Variants in PDHX observed in about 807,000 individuals in gnomAD.
PDHX encodes pyruvate dehydrogenase complex component X.
In PDHX, 33 loss-of-function variants were observed where a neutral mutation model predicts 55.3. The observed-to-expected ratio is 0.60, with a 90% CI of 0.45 to 0.80. The LOEUF (loss-of-function observed/expected upper bound fraction) is 0.80, where lower values mean the gene tolerates loss of function less well. PDHX is among the 30% of genes least tolerant of loss of function. The pLI is 0.00. For missense variants in PDHX, 622 were observed against 619.9 expected, an observed-to-expected ratio of 1.00 and a Z score of -0.04; for synonymous variants, 226 against 219.4, an observed-to-expected ratio of 1.03 and a Z score of -0.27.
At position 34,916,833 on chromosome 11, in the gene PDHX, G is replaced by T. The variant is rs1483613969; in HGVS notation, c.160+18G>T. ...GCTTCGGGGTGAGTGGCCGGGGCTC[G>T]CTCAGCTTCTCTGTGTAGCTGAGTG... On this transcript the variant is annotated intron_variant, in intron 1 of 10. Transcript: ENST00000227868. 2 of 1,552,674 alleles carry T rather than the reference G, an allele frequency of 1.3e-6. No individual in the cohort carries two copies. The highest frequency in any genetic ancestry group is 1.7e-6 in the Non-Finnish European group (2 of 1,146,908).
intron 10 of PDHX, among the ~76,000 whole-genome samples, chr11:34,993,729 T>A (rs777501317): frequency 6.6e-6 from 1 of 152,190 alleles, no homozygotes; most frequent in African/African-American, 2.4e-5. Flanking sequence ...TTCTGGCTTT[T>A]CGTATTTCCA....
chr11:34,987,542 G>A (rs950364767), intron 9 of PDHX, among the ~76,000 whole-genome samples: 2 of 151,908 alleles, frequency 1.3e-5, no homozygotes, highest in Admixed American at 1.3e-4. Context: ...CTGAGCTCCT[G>A]CAAAATTAGT....
At chr11:34,989,800 GTTTA>G (rs1855722942) in intron 9 of PDHX, among the ~76,000 whole-genome samples, 1 of 152,058 alleles carries the variant, frequency 6.6e-6, no homozygotes, top group African/African-American at 2.4e-5. Flanking sequence ...AAATTACCTT[GTTTA>G]TTTATTTGTT....
intron 1 of PDHX, among the ~76,000 whole-genome samples, chr11:34,929,644 A>T (rs1189939655): frequency 6.6e-6 from 1 of 152,240 alleles, no homozygotes; most frequent in Non-Finnish European, 1.5e-5. Flanking sequence ...CCATTAATTA[A>T]TTGATGATCC....
intron 8 of PDHX, among the ~76,000 whole-genome samples, chr11:34,983,775 G>T (rs1002454750): frequency 2.1e-4 from 32 of 152,084 alleles, no homozygotes; most frequent in African/African-American, 7.3e-4. Flanking sequence ...AAATAAAAGA[G>T]AATACAAACA....
At chr11:34,975,098 C>A (rs7109473) in intron 7 of PDHX, among the ~76,000 whole-genome samples, 7,166 of 152,096 alleles carry the variant, frequency 0.047, 536 homozygotes, top group African/African-American at 0.16. Context: ...GATACTATTT[C>A]TTTATTTTCT....
chr11:34,970,203 C>G lies in PDHX; in HGVS notation c.881C>G (p.Ser294Cys), dbSNP rs111270862. 1.2e-6 allele frequency: 2 copies of G among 1,612,332 alleles called. No homozygotes were observed. The highest frequency in any genetic ancestry group is 1.7e-6 in the Non-Finnish European group (2 of 1,178,480). The change falls in exon 7 of 11, where the codon TCT (serine) becomes TGT (cysteine). Residue 294 changes from serine (S) to cysteine (C), a missense_variant. Ser to Cys is a moderately radical substitution (Grantham distance 112, BLOSUM62 -1). Transcript: ENST00000227868. Reference sequence around the variant, plus strand: ...GTTATTGCCAAGAGATTAACTGAATCTAAAAGTACTGTACCTCATGCATAT... The same window carrying G: ...GTTATTGCCAAGAGATTAACTGAATGTAAAAGTACTGTACCTCATGCATAT... ...RRVIAKRLTE[S>C]KSTVPHAYAT...
intron 5 of PDHX, among the ~76,000 whole-genome samples, chr11:34,963,299 GAC>G (rs1455667559): frequency 6.6e-6 from 1 of 151,912 alleles, no homozygotes; most frequent in Admixed American, 6.6e-5. Context: ...TTAAGAGAGA[GAC>G]AGGCTCTCAC....
intron 3 of PDHX, among the ~76,000 whole-genome samples, chr11:34,950,423 G>T (rs945813792): frequency 2.0e-5 from 3 of 150,232 alleles, no homozygotes; most frequent in Non-Finnish European, 4.4e-5. Flanking sequence ...TGTGCACAAT[G>T]TGCAGGTTAG....
intron 9 of PDHX, among the ~76,000 whole-genome samples, chr11:34,988,098 T>A (rs1855689425): frequency 1.3e-5 from 2 of 152,152 alleles, no homozygotes; most frequent in South Asian, 4.1e-4. Flanking sequence ...TTAGAATGAT[T>A]TTAATTCCAG....
chr11:34,957,515 G>T lies in PDHX; in HGVS notation c.474G>T (p.Glu158Asp), dbSNP rs148723565. 6 of 1,614,026 alleles carry T rather than the reference G, an allele frequency of 3.7e-6. No individual in the cohort carries two copies. The highest frequency in any genetic ancestry group is 5.1e-6 in the Non-Finnish European group (6 of 1,179,980). The part of the protein sequence containing the change: ...GPPPPVSKPS[E>D]PRPSPEPQIS... ...CACCACCAGTTTCAAAACCTTCAGA[G>T]CCTCGCCCCTCACCAGAACCACAGA... The change falls in exon 4 of 11, where the codon GAG (glutamate) becomes GAT (aspartate). Residue 158 changes from glutamate (E) to aspartate (D), a missense_variant. Transcript: ENST00000227868.
intron 7 of PDHX, among the ~76,000 whole-genome samples, chr11:34,972,390 T>G (rs1590760727): frequency 1.9e-5 from 2 of 107,536 alleles, no homozygotes; most frequent in South Asian, 3.2e-4. Flanking sequence ...ATCCCACAAA[T>G]GTTGATTTTT....
chr11:34,968,510 G>A (rs2762960), intron 6 of PDHX, among the ~76,000 whole-genome samples: 106,471 of 152,030 alleles, frequency 0.7, 37,481 homozygotes, highest in Middle Eastern at 0.77. Flanking sequence ...TTTAAAATCT[G>A]TCATGCTTTT....
At chr11:34,984,455 AT>A (rs1338090990) in intron 8 of PDHX, 114 bp from the exon 9 acceptor site, 5 of 829,460 alleles carry the variant, frequency 6.0e-6, no homozygotes, top group Non-Finnish European at 7.7e-6. Context: ...ATTTTTATTT[AT>A]TTTCTCTTAT....
chr11:34,920,134 A>G (rs1853838138), intron 1 of PDHX, among the ~76,000 whole-genome samples: 2 of 152,252 alleles, frequency 1.3e-5, no homozygotes, highest in Admixed American at 6.5e-5. Flanking sequence ...TGATCATTAT[A>G]TAATTGACAC....
At position 34,983,182 on chromosome 11, in the gene PDHX, A is replaced by G. The variant is rs1478551672; in HGVS notation, c.1024-1388A>G. Among the ~76,000 whole-genome samples the G allele has an allele frequency of 3.9e-5, 6 of 152,234 alleles. No individual in the cohort carries two copies. The East Asian group carries it at 1.2e-3, about 29-fold the overall frequency. Reference sequence around the variant, plus strand: ...AACCAAAGACAAAAACCACATGGTTATCTCAGTAGATGCAGAAAAGGCCTT... The same window carrying G: ...AACCAAAGACAAAAACCACATGGTTGTCTCAGTAGATGCAGAAAAGGCCTT... On this transcript the variant is annotated intron_variant, in intron 8 of 10. Transcript: ENST00000227868.
intron 1 of PDHX, among the ~76,000 whole-genome samples, chr11:34,926,653 G>A (rs1407867655): frequency 8.3e-6 from 1 of 120,810 alleles, no homozygotes; most frequent in Non-Finnish European, 1.8e-5. Context: ...TGTATTTTAA[G>A]AGTTTGCTTG....
At chr11:34,980,160 C>A (rs1855476534) in intron 8 of PDHX, among the ~76,000 whole-genome samples, 1 of 129,716 alleles carries the variant, frequency 7.7e-6, no homozygotes, top group South Asian at 2.4e-4. Context: ...CATTTTGTTT[C>A]TTATAATTAT....
At chr11:34,965,817 G>T (rs1178991467) in intron 5 of PDHX, among the ~76,000 whole-genome samples, 1 of 152,058 alleles carries the variant, frequency 6.6e-6, no homozygotes, top group Non-Finnish European at 1.5e-5. Context: ...TCATCCTGAA[G>T]TTCTTTTTAG....
Sources: gnomAD v4.1 joint callset for allele counts (sites outside exome capture counted in the v4.1 genomes callset) on GRCh38, gnomAD v4.1.1 for gene constraint, MANE v1.5 for transcripts, NCBI Gene and HGNC (gene_info 2026-07-23, HGNC 2026-07-21) for gene names.